Variants in MEI4 observed in about 807,000 individuals in gnomAD.
MEI4 encodes meiosis-specific protein MEI4.
A neutral mutation model predicts 31.4 loss-of-function variants in MEI4; 27 were observed. The ratio of observed to expected loss-of-function variants is 0.86; its 90% CI spans 0.63 to 1.19. The LOEUF (loss-of-function observed/expected upper bound fraction) is 1.19, where lower values mean the gene tolerates loss of function less well. MEI4 is among the 50% of genes most tolerant of loss of function. The pLI is 0.00. For synonymous variants in MEI4, 122 were observed against 145.4 expected (o/e 0.84, Z 1.16); for missense variants, 329 against 398.9 (o/e 0.82, Z 1.49).
intron 2 of MEI4, among the ~76,000 whole-genome samples, chr6:77,756,193 G>T (rs1388294799): frequency 6.6e-6 from 1 of 152,050 alleles, no homozygotes. Context: ...ACTCAAACAA[G>T]AATGGATACT....
At chr6:77,749,268 G>A (rs6913921) in intron 2 of MEI4, among the ~76,000 whole-genome samples, 43,957 of 151,844 alleles carry the variant, frequency 0.29, 6,493 homozygotes, top group East Asian at 0.48. Context: ...ACAGAGAATG[G>A]GTTTGATGAA....
At chr6:77,831,830 C>T (rs1770090618) in intron 4 of MEI4, among the ~76,000 whole-genome samples, 1 of 151,778 alleles carries the variant, frequency 6.6e-6, no homozygotes, top group Admixed American at 6.6e-5. Context: ...TTCAATAGTA[C>T]AGTTAGTGAA....
At position 77,777,672 on chromosome 6, in the gene MEI4, C is replaced by T. The variant is rs79582750; in HGVS notation, c.768+16007C>T. Among the ~76,000 whole-genome samples, 137 of 152,254 alleles carry T rather than the reference C, an allele frequency of 9.0e-4. 2 individuals are homozygous for T. In the East Asian group the frequency reaches 0.024, roughly 27 times the overall value. ...TTCTAGTTAGCTTTCAGTCCTTGCT[C>T]TTAAGTATACCCATATAATCAGGAT... On this transcript the variant is annotated intron_variant, in intron 3 of 4. Transcript: ENST00000684080.
intron 4 of MEI4, among the ~76,000 whole-genome samples, chr6:77,837,942 C>G (rs1331652876): frequency 6.6e-6 from 1 of 152,034 alleles, no homozygotes; most frequent in Non-Finnish European, 1.5e-5. Context: ...CTCAGTTTAT[C>G]TCTTCTTAAA....
chr6:77,890,891 A>G (rs902544853), intron 4 of MEI4, among the ~76,000 whole-genome samples: 10 of 152,170 alleles, frequency 6.6e-5, no homozygotes, highest in Non-Finnish European at 1.5e-4. Context: ...TGCCGTGTGA[A>G]TAAAGACATG....
At chr6:77,791,594 G>A (rs1314079791) in intron 3 of MEI4, among the ~76,000 whole-genome samples, 1 of 149,918 alleles carries the variant, frequency 6.7e-6, no homozygotes, top group African/African-American at 2.5e-5. Context: ...TGACGAGTTA[G>A]TGGGTGCAGC....
Position 77,923,370 on chromosome 6 carries a change from C to A in MEI4, c.*24C>A. 1 of 1,227,092 alleles carries A rather than the reference C, an allele frequency of 8.1e-7. No individual in the cohort carries two copies. The highest frequency in any genetic ancestry group is 1.0e-6 in the Non-Finnish European group (1 of 984,136). 76.0% of individuals were successfully genotyped at this position (1,227,092 alleles called of 1,614,324 possible). A position where few individuals can be genotyped will look rare whatever the true frequency, so the allele number is the denominator to read the frequency against. Reference sequence around the variant, plus strand: ...AACTCCATTCCTTAGCAATTTACCACGTTTGAAGCATAATAAAGTAGAATA... The same window carrying A: ...AACTCCATTCCTTAGCAATTTACCAAGTTTGAAGCATAATAAAGTAGAATA... On this transcript the variant is annotated 3_prime_UTR_variant, in exon 5 of 5. Transcript: ENST00000684080.
At chr6:77,664,918 T>G (rs1407189621) in intron 1 of MEI4, among the ~76,000 whole-genome samples, 1 of 151,924 alleles carries the variant, frequency 6.6e-6, no homozygotes, top group South Asian at 2.1e-4. Context: ...AAATAAGGCA[T>G]TTAGGTTTTA....
At chr6:77,876,376 G>A (rs569407488) in intron 4 of MEI4, among the ~76,000 whole-genome samples, 1 of 152,254 alleles carries the variant, frequency 6.6e-6, no homozygotes, top group East Asian at 1.9e-4. Flanking sequence ...CTTGATTAAA[G>A]GATAAGTTCA....
intron 4 of MEI4, among the ~76,000 whole-genome samples, chr6:77,871,896 A>G (rs1771202921): frequency 6.6e-6 from 1 of 152,146 alleles, no homozygotes. Flanking sequence ...TAACAGTCCT[A>G]GATACCATTA....
rs1554168558 is a variant in MEI4 at position 77,841,318 on chromosome 6, T to TATATATATATACAC, written c.900+12267_900+12268insCACATATATATATA. ...GAGAAAGGTTACAAATGTGTGCATA[T>TATATATATATACAC]ATATATATATATATATTTTTTTTTT... On this transcript the variant is annotated intron_variant, in intron 4 of 4. Coordinates refer to ENST00000684080, the MANE Select transcript of MEI4 (RefSeq NM_001322247.2). 2.6e-4 allele frequency among the ~76,000 whole-genome samples: 13 copies of TATATATATATACAC among 50,196 alleles called. No homozygotes were observed. The East Asian group carries it at 0.012, about 47-fold the overall frequency. The allele number at this position is 50,196 out of a possible 152,430, so 32.9% of individuals were successfully genotyped here.
At chr6:77,789,894 C>T (rs2127695218) in intron 3 of MEI4, among the ~76,000 whole-genome samples, 1 of 152,228 alleles carries the variant, frequency 6.6e-6, no homozygotes, top group South Asian at 2.1e-4. Flanking sequence ...ACCCAGCCAT[C>T]CCATTACTGG....
intron 2 of MEI4, among the ~76,000 whole-genome samples, chr6:77,692,734 A>C (rs1333808770): frequency 6.6e-6 from 1 of 152,038 alleles, no homozygotes; most frequent in Non-Finnish European, 1.5e-5. Context: ...GGATTGTGAT[A>C]CTTTCAATTC....
intron 2 of MEI4, among the ~76,000 whole-genome samples, chr6:77,707,961 A>C (rs1766368600): frequency 6.6e-6 from 1 of 152,252 alleles, no homozygotes; most frequent in South Asian, 2.1e-4. Flanking sequence ...CCCAGCCAGA[A>C]GCCTGCTACA....
intron 2 of MEI4, among the ~76,000 whole-genome samples, chr6:77,748,578 G>A (rs982290873): frequency 3.9e-5 from 6 of 152,214 alleles, no homozygotes; most frequent in Admixed American, 3.3e-4. Flanking sequence ...CGTGATGGGA[G>A]GGGCTGCATT....
intron 4 of MEI4, among the ~76,000 whole-genome samples, chr6:77,851,226 G>T (rs1737887607): frequency 6.6e-6 from 1 of 151,962 alleles, no homozygotes; most frequent in South Asian, 2.1e-4. Flanking sequence ...GAAGACTGTG[G>T]TGATTCCTCA....
intron 4 of MEI4, among the ~76,000 whole-genome samples, chr6:77,872,805 C>A (rs1428818014): frequency 6.8e-6 from 1 of 146,032 alleles, no homozygotes; most frequent in East Asian, 2.1e-4. Context: ...TGTTCAATTC[C>A]CACCTATGAG....
chr6:77,752,884 G>A (rs1220643711), intron 2 of MEI4, among the ~76,000 whole-genome samples: 3 of 152,122 alleles, frequency 2.0e-5, no homozygotes, highest in Non-Finnish European at 4.4e-5. Context: ...AAACAGCATG[G>A]TACTGGTACC....
intron 2 of MEI4, among the ~76,000 whole-genome samples, chr6:77,732,480 T>C (rs2127668337): frequency 6.6e-6 from 1 of 152,250 alleles, no homozygotes; most frequent in Middle Eastern, 3.4e-3. Flanking sequence ...ATTGATCTTG[T>C]ATCCTGAGAC....
Sources: allele counts gnomAD v4.1 joint callset (sites outside exome capture counted in the v4.1 genomes callset), GRCh38; gene constraint gnomAD v4.1.1; transcripts MANE v1.5; gene names NCBI Gene and HGNC (gene_info 2026-07-23, HGNC 2026-07-21).